GAS2: variants seen among roughly 807,000 people sequenced by gnomAD.
GAS2 encodes the protein growth arrest-specific protein 2.
GAS2 carries 20 observed loss-of-function variants against 37.5 expected under a neutral mutation model. That is an observed-to-expected ratio of 0.53 (90% CI 0.37 to 0.77). The LOEUF is 0.77. Among genes scored for constraint, GAS2 ranks in the 30% least tolerant of loss-of-function variants. GAS2 has a pLI of 0.00. For synonymous variants in GAS2, 144 were observed against 132.2 expected, an observed-to-expected ratio of 1.09 and a Z score of -0.61; for missense variants, 336 against 373.4, an observed-to-expected ratio of 0.90 and a Z score of 0.82.
upstream of GAS2, among the ~76,000 whole-genome samples, chr11:22,664,871 TG>T (rs1848959040): frequency 6.6e-6 from 1 of 152,120 alleles, no homozygotes; most frequent in African/African-American, 2.4e-5. Flanking sequence ...ACTTCTCTTT[TG>T]TCACCAAAAA....
chr11:22,766,886 A>G (rs1203761623), intron 7 of GAS2, among the ~76,000 whole-genome samples: 20 of 152,130 alleles, frequency 1.3e-4, no homozygotes, highest in African/African-American at 4.8e-5. Flanking sequence ...TGAGCATGCT[A>G]TGGTATGGCA....
At chr11:22,653,587 A>G (rs997217908) in intron 1 of GAS2, among the ~76,000 whole-genome samples, 50 of 152,316 alleles carry the variant, frequency 3.3e-4, no homozygotes, top group Non-Finnish European at 5.0e-4. Context: ...TATTCTTTCA[A>G]TCAATACTTT....
chr11:22,636,929 TAATAATATA>T (rs60180440), intron 1 of GAS2, among the ~76,000 whole-genome samples: 22,007 of 141,858 alleles, frequency 0.16, 1,985 homozygotes, highest in East Asian at 0.28. Context: ...ATATTTATAT[TAATAATATA>T]AATAATAATA....
chr11:22,779,417 G>A, intron 7 of GAS2, among the ~76,000 whole-genome samples: 1 of 152,172 alleles, frequency 6.6e-6, no homozygotes, highest in Non-Finnish European at 1.5e-5. Flanking sequence ...CAATGCCTCA[G>A]CTGGGCGTGG....
At chr11:22,720,536 TA>T (rs1403827621) in intron 3 of GAS2, among the ~76,000 whole-genome samples, 1 of 152,080 alleles carries the variant, frequency 6.6e-6, no homozygotes, top group East Asian at 1.9e-4. Flanking sequence ...TGAAAGAGAT[TA>T]TTTTTTCTAT....
intron 1 of GAS2, among the ~76,000 whole-genome samples, chr11:22,653,037 C>T (rs201397871): frequency 8.6e-5 from 9 of 104,272 alleles, no homozygotes; most frequent in Admixed American, 4.0e-4. Context: ...CTTTCTTTCT[C>T]TTTCTTTCTT....
At chr11:22,693,330 A>G (rs1324496888) in intron 3 of GAS2, among the ~76,000 whole-genome samples, 2 of 152,236 alleles carry the variant, frequency 1.3e-5, no homozygotes, top group Non-Finnish European at 2.9e-5. Flanking sequence ...ATATTGAGTG[A>G]TAACACTTCA....
chr11:22,726,172 T>C, intron 3 of GAS2, 120 bp from the exon 4 acceptor site: 1 of 965,012 alleles, frequency 1.0e-6, no homozygotes, highest in Non-Finnish European at 1.5e-6. Flanking sequence ...CTAGGGTTCT[T>C]TGCAAACCTA....
At chr11:22,651,043 G>A (rs1373080233) in intron 1 of GAS2, among the ~76,000 whole-genome samples, 2 of 152,304 alleles carry the variant, frequency 1.3e-5, no homozygotes, top group African/African-American at 4.8e-5. Flanking sequence ...GCATGATTTT[G>A]CAGCAGCTGG....
intron 7 of GAS2, among the ~76,000 whole-genome samples, chr11:22,775,882 A>G (rs943647730): frequency 1.3e-5 from 2 of 152,148 alleles, no homozygotes; most frequent in Non-Finnish European, 2.9e-5. Context: ...AAAAATATAG[A>G]GCTCTGCCCA....
intron 1 of GAS2, among the ~76,000 whole-genome samples, chr11:22,627,674 T>C (rs1858682250): frequency 6.6e-6 from 1 of 151,366 alleles, no homozygotes; most frequent in Non-Finnish European, 1.5e-5. Flanking sequence ...AATCGGGAGG[T>C]TAAGGCAGGA....
At chr11:22,723,449 A>G (rs1034327714) in intron 3 of GAS2, among the ~76,000 whole-genome samples, 3 of 151,898 alleles carry the variant, frequency 2.0e-5, no homozygotes, top group African/African-American at 7.2e-5. Flanking sequence ...TAATTTCTTC[A>G]AGAGTGGGCT....
intron 3 of GAS2, among the ~76,000 whole-genome samples, chr11:22,717,423 C>A (rs1162198045): frequency 1.3e-5 from 2 of 152,052 alleles, no homozygotes; most frequent in Non-Finnish European, 2.9e-5. Flanking sequence ...ATAAATAGTG[C>A]TGGGAAGACT....
At chr11:22,697,222 T>C (rs1850572534) in intron 3 of GAS2, among the ~76,000 whole-genome samples, 1 of 151,980 alleles carries the variant, frequency 6.6e-6, no homozygotes, top group Non-Finnish European at 1.5e-5. Context: ...ATTGCTTGTT[T>C]TTCTCAGGTT....
Position 22,810,989 on chromosome 11 carries a change from T to C in GAS2, c.724-809T>C. ...GAGAGGGAGTCAGCAGGGTCTTTGA[T>C]GATCATGCAACATTACCTCTTAATA... On this transcript the variant is annotated intron_variant, in intron 7 of 7. Transcript: ENST00000454584. 1.3e-5 allele frequency among the ~76,000 whole-genome samples: 2 copies of C among 152,202 alleles called. 1 individual carries two copies.
At chr11:22,660,813 C>T (rs747063348) in intron 1 of GAS2, among the ~76,000 whole-genome samples, 2 of 152,170 alleles carry the variant, frequency 1.3e-5, no homozygotes, top group Non-Finnish European at 2.9e-5. Context: ...AAGAAAAGCC[C>T]CACTGACACT....
intron 7 of GAS2, among the ~76,000 whole-genome samples, chr11:22,789,311 C>CTGT (rs1855988435): frequency 1.1e-5 from 1 of 94,906 alleles, no homozygotes; most frequent in African/African-American, 4.2e-5. Context: ...TATACACACA[C>CTGT]ACACACACAC....
At chr11:22,720,523 T>C (rs1851897416) in intron 3 of GAS2, among the ~76,000 whole-genome samples, 1 of 152,094 alleles carries the variant, frequency 6.6e-6, no homozygotes, top group Non-Finnish European at 1.5e-5. Context: ...GAAATAATTT[T>C]ATTGAAAGAG....
intron 1 of GAS2, among the ~76,000 whole-genome samples, chr11:22,667,868 A>T (rs955788346): frequency 6.6e-6 from 1 of 151,940 alleles, no homozygotes; most frequent in Non-Finnish European, 1.5e-5. Flanking sequence ...TCATCCTCTC[A>T]CCTCCGTGAT....
Sources: gnomAD v4.1 joint callset for allele counts (sites outside exome capture counted in the v4.1 genomes callset) on GRCh38, gnomAD v4.1.1 for gene constraint, MANE v1.5 for transcripts, NCBI Gene and HGNC (gene_info 2026-07-23, HGNC 2026-07-21) for gene names.